The following PCDH15 variants were observed in gnomAD, a reference collection of about 807,000 sequenced individuals.
PCDH15 encodes the protein protocadherin-15.
PCDH15 carries 129 observed loss-of-function variants against 178.5 expected under a neutral mutation model. The observed-to-expected ratio is 0.72, with a 90% CI of 0.63 to 0.84. The LOEUF is 0.84. PCDH15 is among the 40% of genes least tolerant of loss of function. The pLI, the probability that PCDH15 is intolerant of heterozygous loss-of-function variation, is 0.00. For synonymous variants in PCDH15, 800 were observed against 732.0 expected, an observed-to-expected ratio of 1.09 and a Z score of -1.50; for missense variants, 2,230 against 2,099.9, an observed-to-expected ratio of 1.06 and a Z score of -1.21.
At chr10:55,575,012 T>C (rs919993156) in intron 2 of PCDH15, among the ~76,000 whole-genome samples, 6 of 152,066 alleles carry the variant, frequency 3.9e-5, no homozygotes, top group African/African-American at 1.4e-4. Context: ...AAGTGTATAA[T>C]TCCTTCAAAT....
In PCDH15 at chr10:54,664,267, TGTCA is replaced by T; in HGVS notation, c.-9_-6del. ...GAGATAAAACTGTCGAAACATCTTCTGTCAAAGTTCACTCAAAGCTGATCTGAAA... is the reference window on the plus strand; with the variant it reads ...GAGATAAAACTGTCGAAACATCTTCTAAGTTCACTCAAAGCTGATCTGAAA... On this transcript the variant is annotated 5_prime_UTR_variant, in exon 2 of 38. The change abolishes the stop of an existing upstream ORF in the 5' untranslated region. Coordinates refer to ENST00000644397, the MANE Select transcript of PCDH15 (RefSeq NM_001384140.1). 6.2e-7 allele frequency: 1 copy of T among 1,607,972 alleles called. No homozygotes were observed. The highest frequency in any genetic ancestry group is 8.5e-7 in the Non-Finnish European group (1 of 1,175,554).
At position 53,965,082 on chromosome 10, in the gene PCDH15, G is replaced by C. The variant is rs550311659; in HGVS notation, c.2869-3190C>G. ...TACATTTTTTTTTTTTTTTGAGACA[G>C]AGTCTTGTACTCTTACCCGGGCTGG... On this transcript the variant is annotated intron_variant, in intron 21 of 37. Coordinates refer to ENST00000644397, the MANE Select transcript of PCDH15 (RefSeq NM_001384140.1). Among the ~76,000 whole-genome samples, 6 of 147,162 alleles carry C rather than the reference G, an allele frequency of 4.1e-5. No individual in the cohort carries two copies. In the East Asian group the frequency reaches 7.9e-4, roughly 19 times the overall value.
chr10:54,903,570 GT>G (rs140294483), intron 2 of PCDH15, among the ~76,000 whole-genome samples: 2,022 of 147,034 alleles, frequency 0.014, 31 homozygotes, highest in Middle Eastern at 0.024. Context: ...TTTTTGCCAT[GT>G]TTTTTTTTTG....
At chr10:55,179,529 G>A (rs1839584629) in intron 1 of PCDH15, among the ~76,000 whole-genome samples, 1 of 150,424 alleles carries the variant, frequency 6.6e-6, no homozygotes, top group Non-Finnish European at 1.5e-5. Context: ...GCCTGCTCAT[G>A]GACAATTCAG....
intron 2 of PCDH15, among the ~76,000 whole-genome samples, chr10:55,610,919 A>C (rs1299671263): frequency 6.6e-6 from 1 of 152,096 alleles, no homozygotes; most frequent in Non-Finnish European, 1.5e-5. Flanking sequence ...GTGAAATTAT[A>C]CCTAAGCACT....
chr10:55,348,744 G>A (rs1844829890), intron 2 of PCDH15, among the ~76,000 whole-genome samples: 1 of 152,054 alleles, frequency 6.6e-6, no homozygotes, highest in African/African-American at 2.4e-5. Flanking sequence ...CTGAGACAGG[G>A]TTTTTCTTAC....
intron 2 of PCDH15, among the ~76,000 whole-genome samples, chr10:54,542,860 A>G (rs1590001994): frequency 1.3e-5 from 2 of 152,008 alleles, no homozygotes; most frequent in Non-Finnish European, 1.5e-5. Context: ...TTCCAAGACC[A>G]CCCTGGCCTG....
At chr10:55,087,562 A>AT (rs147105254) in intron 2 of PCDH15, among the ~76,000 whole-genome samples, 1,834 of 152,220 alleles carry the variant, frequency 0.012, 19 homozygotes, top group Non-Finnish European at 0.016. Flanking sequence ...AAAACAATGG[A>AT]TTTTTTATCC....
At chr10:55,329,270 C>T (rs901521275) in intron 2 of PCDH15, among the ~76,000 whole-genome samples, 11 of 151,316 alleles carry the variant, frequency 7.3e-5, no homozygotes, top group Admixed American at 6.0e-4. Flanking sequence ...CTCATTTTCT[C>T]ATGATAACCA....
At chr10:53,960,482 T>A (rs1248439703) in intron 22 of PCDH15, among the ~76,000 whole-genome samples, 5 of 152,182 alleles carry the variant, frequency 3.3e-5, no homozygotes, top group Admixed American at 2.6e-4. Context: ...GCTTTAGTGT[T>A]GAGATGTGAT....
chr10:55,050,756 G>A (rs992244161), intron 2 of PCDH15, among the ~76,000 whole-genome samples: 25 of 152,100 alleles, frequency 1.6e-4, no homozygotes, highest in South Asian at 1.0e-3. Context: ...TCCTGCGTAG[G>A]CAGTCTGAAA....
At chr10:53,940,525 T>C (rs2085963848) in intron 24 of PCDH15, among the ~76,000 whole-genome samples, 1 of 152,170 alleles carries the variant, frequency 6.6e-6, no homozygotes, top group Admixed American at 6.6e-5. Flanking sequence ...ACGAAGCTAC[T>C]GTAGGCAATG....
chr10:54,847,528 CT>C (rs1564565002), intron 3 of PCDH15, among the ~76,000 whole-genome samples: 1 of 151,930 alleles, frequency 6.6e-6, no homozygotes. Flanking sequence ...CATATTCCAC[CT>C]AGAATCTCAG....
At chr10:55,504,374 A>C (rs563701540) in intron 2 of PCDH15, among the ~76,000 whole-genome samples, 1 of 151,560 alleles carries the variant, frequency 6.6e-6, no homozygotes, top group Non-Finnish European at 1.5e-5. Context: ...ATATTTCATT[A>C]TTTTTAAAAA....
intron 1 of PCDH15, among the ~76,000 whole-genome samples, chr10:55,199,371 T>C (rs1840178944): frequency 6.6e-6 from 1 of 152,018 alleles, no homozygotes; most frequent in African/African-American, 2.4e-5. Context: ...TGATTTAGGG[T>C]ATCTGGCAGA....
chr10:54,001,756 T>C (rs1489448102), intron 20 of PCDH15, among the ~76,000 whole-genome samples: 1 of 151,814 alleles, frequency 6.6e-6, no homozygotes, highest in Admixed American at 6.6e-5. Flanking sequence ...GATTAAGCTC[T>C]CTAATCAAAT....
rs1296933105 is a variant in PCDH15, at chr10:54,370,280, G to A, written c.319-1005C>T. On this transcript the variant is annotated intron_variant, in intron 4 of 37. Coordinates refer to ENST00000644397, the MANE Select transcript of PCDH15 (RefSeq NM_001384140.1). The stretch of plus-strand genomic sequence containing the variant: ...TATCTCTAAATATGTCATTTTTGCA[G>A]TGTCCTATCCTGACCCCTCCATCTT... Among the ~76,000 whole-genome samples the A allele has an allele frequency of 2.0e-5, 3 of 151,860 alleles. No homozygotes were observed. In the Admixed American group the frequency reaches 2.0e-4, roughly 10 times the overall value.
chr10:55,518,816 C>A (rs1051262064), intron 2 of PCDH15, among the ~76,000 whole-genome samples: 1 of 151,972 alleles, frequency 6.6e-6, no homozygotes, highest in East Asian at 2.0e-4. Flanking sequence ...TAATCTGGGC[C>A]GGGGCGTGGT....
At chr10:54,773,788 A>C (rs1207067930) in intron 1 of PCDH15, among the ~76,000 whole-genome samples, 1 of 152,008 alleles carries the variant, frequency 6.6e-6, no homozygotes, top group African/African-American at 2.4e-5. Flanking sequence ...TATTTTTCTC[A>C]CTTTCTAAAA....
Sources: allele counts gnomAD v4.1 joint callset (sites outside exome capture counted in the v4.1 genomes callset), GRCh38; gene constraint gnomAD v4.1.1; transcripts MANE v1.5; gene names NCBI Gene and HGNC (gene_info 2026-07-23, HGNC 2026-07-21).